PRELID2: variants seen among roughly 807,000 people sequenced by gnomAD.
PRELID2 encodes the protein PRELI domain-containing protein 2.
PRELID2 carries 25 observed loss-of-function variants against 28.4 expected under a neutral mutation model. The observed-to-expected ratio is 0.88, with a 90% CI of 0.64 to 1.23. The LOEUF is 1.23. PRELID2 is among the 50% of genes most tolerant of loss of function. PRELID2 has a pLI of 0.00. For synonymous variants in PRELID2, 76 were observed against 71.6 expected (o/e 1.06, Z -0.31); for missense variants, 201 against 214.4 (o/e 0.94, Z 0.39).
At chr5:145,292,553 T>C in the PRELID2 span, among the ~76,000 whole-genome samples, 1 of 152,132 alleles carries the variant, frequency 6.6e-6, no homozygotes, top group Non-Finnish European at 1.5e-5. Flanking sequence ...ATTTGGTAAG[T>C]GAAAGATGAT....
the PRELID2 span, among the ~76,000 whole-genome samples, chr5:145,416,852 G>C: frequency 6.6e-6 from 1 of 151,944 alleles, no homozygotes; most frequent in African/African-American, 2.4e-5. Context: ...AGTGAATCCA[G>C]CTTTAACCCA....
chr5:145,526,021 G>A lies in PRELID2; in HGVS notation n.71-52706C>T, dbSNP rs928688966. On this transcript the variant is annotated intron_variant and non_coding_transcript_variant, in intron 1 of 2. Transcript: ENST00000510259. Reference sequence around the variant, plus strand: ...CAAAGCACTAAAGCACAGGCCTTACGAGTAAGTTGCTCACAAGATGGTGCA... The same window carrying A: ...CAAAGCACTAAAGCACAGGCCTTACAAGTAAGTTGCTCACAAGATGGTGCA... Among the ~76,000 whole-genome samples, 7 of 152,158 alleles carry A rather than the reference G, an allele frequency of 4.6e-5. No individual in the cohort carries two copies. In the South Asian group the frequency reaches 8.3e-4, roughly 18 times the overall value.
At chr5:145,740,404 A>T (rs1756635748) in intron 1 of PRELID2, among the ~76,000 whole-genome samples, 1 of 137,848 alleles carries the variant, frequency 7.3e-6, no homozygotes. Context: ...GAAATACAGA[A>T]ATCATTATAG....
chr5:145,271,262 G>T, the PRELID2 span, among the ~76,000 whole-genome samples: 1 of 151,952 alleles, frequency 6.6e-6, no homozygotes, highest in African/African-American at 2.4e-5. Context: ...TTGAGTTGGG[G>T]TCACACCCTG....
At chr5:145,515,509 C>T (rs929450151) in intron 1 of PRELID2, among the ~76,000 whole-genome samples, 1 of 152,068 alleles carries the variant, frequency 6.6e-6, no homozygotes, top group Non-Finnish European at 1.5e-5. Flanking sequence ...TAATAGCCTA[C>T]CAAACAAAAA....
At chr5:145,542,456 A>G (rs923447956) in intron 1 of PRELID2, among the ~76,000 whole-genome samples, 19 of 152,176 alleles carry the variant, frequency 1.2e-4, no homozygotes, top group Non-Finnish European at 2.4e-4. Context: ...AGTAGACATA[A>G]GGACTTTAGC....
intron 4 of PRELID2, among the ~76,000 whole-genome samples, chr5:145,808,044 G>C (rs1366129592): frequency 6.6e-6 from 1 of 152,042 alleles, no homozygotes; most frequent in Non-Finnish European, 1.5e-5. Context: ...CTCACTGCTT[G>C]GCTCTTCATA....
chr5:145,503,026 C>A (rs923543891), intron 1 of PRELID2, among the ~76,000 whole-genome samples: 1 of 152,194 alleles, frequency 6.6e-6, no homozygotes, highest in African/African-American at 2.4e-5. Flanking sequence ...AATTTCCTTG[C>A]CTCTGGCAGT....
At chr5:145,560,841 A>C (rs977038449) in intron 1 of PRELID2, among the ~76,000 whole-genome samples, 6 of 152,206 alleles carry the variant, frequency 3.9e-5, no homozygotes, top group Non-Finnish European at 7.3e-5. Flanking sequence ...TGTAATGCAC[A>C]CTTGTTTACA....
intron 1 of PRELID2, among the ~76,000 whole-genome samples, chr5:145,740,455 C>T (rs1247692187): frequency 7.1e-6 from 1 of 140,072 alleles, no homozygotes; most frequent in Non-Finnish European, 1.5e-5. Context: ...TGGTACAACA[C>T]CTAGATAGAA....
chr5:145,733,984 G>A (rs760535841), intron 1 of PRELID2, among the ~76,000 whole-genome samples: 4 of 152,164 alleles, frequency 2.6e-5, no homozygotes, highest in Non-Finnish European at 5.9e-5. Flanking sequence ...CTATGGGGAA[G>A]GACTGAAGAT....
At chr5:145,741,287 AAAT>A (rs1409277360) in intron 1 of PRELID2, among the ~76,000 whole-genome samples, 14 of 106,498 alleles carry the variant, frequency 1.3e-4, no homozygotes, top group African/African-American at 4.9e-4. Context: ...ATGTATATAT[AAAT>A]AAATTATATA....
chr5:145,291,361 A>AG, the PRELID2 span, among the ~76,000 whole-genome samples: 5 of 148,414 alleles, frequency 3.4e-5, no homozygotes, highest in Non-Finnish European at 5.9e-5. Context: ...AAAAAAAAAA[A>AG]GGAGAGGGGT....
At chr5:145,294,093 G>A in the PRELID2 span, among the ~76,000 whole-genome samples, 4 of 152,120 alleles carry the variant, frequency 2.6e-5, no homozygotes, top group African/African-American at 9.7e-5. Flanking sequence ...TGTCCCAAGA[G>A]CACATCTTTT....
At chr5:145,776,601 A>C (rs997605018) in intron 5 of PRELID2, among the ~76,000 whole-genome samples, 1 of 152,242 alleles carries the variant, frequency 6.6e-6, no homozygotes, top group Non-Finnish European at 1.5e-5. Flanking sequence ...CCACCGTTTC[A>C]GGCACCCACT....
intron 1 of PRELID2, among the ~76,000 whole-genome samples, chr5:145,593,829 A>G (rs909305815): frequency 5.3e-5 from 8 of 152,204 alleles, no homozygotes; most frequent in African/African-American, 1.7e-4. Context: ...CTCAAGTGAT[A>G]TATCATTTAA....
the PRELID2 span, among the ~76,000 whole-genome samples, chr5:145,334,741 C>G: frequency 2.0e-5 from 3 of 149,852 alleles, no homozygotes; most frequent in Non-Finnish European, 4.4e-5. Context: ...TGAAGAACAG[C>G]TTTGCCAAGC....
intron 4 of PRELID2, among the ~76,000 whole-genome samples, chr5:145,817,198 A>AAAAAAAAATATATAT (rs1365517052): frequency 2.9e-5 from 2 of 70,082 alleles, no homozygotes; most frequent in African/African-American, 4.3e-5. Context: ...TTCAAAAAAA[A>AAAAAAAAATATATAT]ATAAATAAAT....
At chr5:145,600,451 A>ATATATG (rs1328695707) in intron 1 of PRELID2, among the ~76,000 whole-genome samples, 7,871 of 137,724 alleles carry the variant, frequency 0.057, 491 homozygotes, top group Admixed American at 0.15. Context: ...ATATATATAT[A>ATATATG]TATGTATCTC....
Sources: gnomAD v4.1 joint callset for allele counts (sites outside exome capture counted in the v4.1 genomes callset) on GRCh38, gnomAD v4.1.1 for gene constraint, MANE v1.5 for transcripts, NCBI Gene and HGNC (gene_info 2026-07-23, HGNC 2026-07-21) for gene names.